Variants in PIAS1 observed in about 807,000 individuals in gnomAD.
The protein encoded by PIAS1 is E3 SUMO-protein ligase PIAS1.
Under a neutral mutation model 71.3 loss-of-function variants are expected in PIAS1, and 6 were observed. The observed-to-expected ratio is 0.08, with a 90% CI of 0.05 to 0.17. The LOEUF (loss-of-function observed/expected upper bound fraction) is 0.17. PIAS1 is among the 10% of genes least tolerant of loss of function. PIAS1 has a pLI of 1.00. For missense variants in PIAS1, 555 were observed against 793.6 expected (o/e 0.70, Z 3.61); for synonymous variants, 303 against 292.9 (o/e 1.03, Z -0.35).
rs2093107719 is a variant in PIAS1, at chr15:68,189,342, G to A, written c.*1507G>A. 1 of 152,046 alleles carries A rather than the reference G, an allele frequency of 6.6e-6. No individual in the cohort carries two copies. Among genetic ancestry groups the A allele is most frequent in the African/African-American group, 2.4e-5 (1 of 41,390 alleles). 9.4% of individuals were successfully genotyped at this position (152,046 alleles called of 1,614,324 possible). A position where few individuals can be genotyped will look rare whatever the true frequency, so the allele number is the denominator to read the frequency against. ...TGCAGGTTTAACAGAAGAGATAAGG[G>A]GCATAATGACTGCTGGTTTTCCAGA... On this transcript the variant is annotated 3_prime_UTR_variant, in exon 14 of 14. Transcript: ENST00000249636.
chr15:68,054,689 CCCCCA>C lies in PIAS1; in HGVS notation c.24+340_24+344del. On this transcript the variant is annotated intron_variant, in intron 1 of 13. Transcript: ENST00000249636. The surrounding 1 kb of genome is among the most constrained non-coding windows in gnomAD (Gnocchi z 4.6). The stretch of plus-strand genomic sequence containing the variant: ...TTCACCTTCCAGTTAGCCTCCCTGC[CCCCCA>C]TGGGGAGCTGGGGCTGGGGGCAGGG... 4.4e-6 allele frequency: 1 copy of C among 226,968 alleles called. No homozygotes were observed. 14.1% of individuals were successfully genotyped at this position (226,968 alleles called of 1,614,324 possible).
At chr15:68,087,944 T>C (rs1051522182) in intron 2 of PIAS1, 3 of 292,160 alleles carry the variant, frequency 1.0e-5, no homozygotes, top group African/African-American at 2.2e-5. Context: ...TAAGAAAACA[T>C]TTTTTGAGAA....
At chr15:68,101,782 T>C (rs1008319432) in intron 2 of PIAS1, among the ~76,000 whole-genome samples, 2 of 152,176 alleles carry the variant, frequency 1.3e-5, no homozygotes, top group African/African-American at 2.4e-5. Context: ...TTTGACTTGC[T>C]CTGTCACCCA....
chr15:68,159,338 C>G (rs2092910354), intron 7 of PIAS1, among the ~76,000 whole-genome samples: 1 of 152,004 alleles, frequency 6.6e-6, no homozygotes, highest in Non-Finnish European at 1.5e-5. Flanking sequence ...CCTCCGTTTT[C>G]TCTCTTTCTT....
intron 2 of PIAS1, among the ~76,000 whole-genome samples, chr15:68,123,841 C>T (rs2092630165): frequency 1.3e-5 from 2 of 152,286 alleles, no homozygotes; most frequent in South Asian, 2.1e-4. Flanking sequence ...ACCTTCACTA[C>T]TGCTATGCTT....
chr15:68,120,585 C>G (rs1185364526), intron 2 of PIAS1, among the ~76,000 whole-genome samples: 1 of 152,130 alleles, frequency 6.6e-6, no homozygotes, highest in African/African-American at 2.4e-5. Context: ...CACTTTACAA[C>G]AGTTCATTTT....
At chr15:68,156,858 C>T (rs1018143658) in intron 7 of PIAS1, among the ~76,000 whole-genome samples, 1 of 151,974 alleles carries the variant, frequency 6.6e-6, no homozygotes, top group African/African-American at 2.4e-5. Flanking sequence ...GTAAATGACA[C>T]GATTACATTT....
chr15:68,172,216 A>C (rs1274584654), intron 8 of PIAS1, among the ~76,000 whole-genome samples: 1 of 152,188 alleles, frequency 6.6e-6, no homozygotes, highest in Non-Finnish European at 1.5e-5. Context: ...TTCCAGCTTC[A>C]TCCATGTCCC....
Position 68,187,734 on chromosome 15 carries a change from A to T in PIAS1, c.1855A>T (p.Asn619Tyr), listed in dbSNP as rs1443474714. 1 of 1,614,034 alleles carries T rather than the reference A, an allele frequency of 6.2e-7. No homozygotes were observed. Among genetic ancestry groups the T allele is most frequent in the East Asian group, 2.2e-5 (1 of 44,880 alleles). ...CAGTAACAGCAGCCTGGTTTCTTCC[A>T]ACAGCCTAAGGGAAAGCCATAGCCA... ...SGSNSSLVSS[N>Y]SLRESHSHTV... Residue 619 changes from asparagine to tyrosine, a missense_variant, in exon 14 of 14, where the codon AAC becomes TAC. Asn to Tyr is a moderately radical substitution (Grantham distance 143). Around this residue, in one of 5 missense-constraint regions of PIAS1, gnomAD observed 244 missense variants for 307.5 expected, o/e 0.79. Coordinates refer to ENST00000249636, the MANE Select transcript of PIAS1 (RefSeq NM_016166.3). The surrounding 1 kb of genome is among the most constrained non-coding windows in gnomAD (Gnocchi z 5.3).
At chr15:68,056,780 T>C (rs956740640) in intron 1 of PIAS1, among the ~76,000 whole-genome samples, 2 of 152,134 alleles carry the variant, frequency 1.3e-5, no homozygotes, top group African/African-American at 4.8e-5. Context: ...AAAGAGAATG[T>C]GTATATATAA....
Position 68,187,983 on chromosome 15 carries a change from A to G in PIAS1, c.*148A>G. 2 of 655,628 alleles carry G rather than the reference A, an allele frequency of 3.1e-6. No homozygotes were observed. The highest frequency in any genetic ancestry group is 5.1e-6 in the Non-Finnish European group (2 of 389,768). 40.6% of individuals were successfully genotyped at this position (655,628 alleles called of 1,614,324 possible). ...TTTTTTTAGGGAAAAAATTAAAAGA[A>G]ATGTACAGAGAACAAAACTATATTT... On this transcript the variant is annotated 3_prime_UTR_variant, in exon 14 of 14. Transcript: ENST00000249636. The surrounding 1 kb of genome is among the most constrained non-coding windows in gnomAD (Gnocchi z 5.3).
At chr15:68,063,035 A>T (rs1053000589) in intron 1 of PIAS1, among the ~76,000 whole-genome samples, 34 of 47,272 alleles carry the variant, frequency 7.2e-4, no homozygotes, top group Non-Finnish European at 2.0e-3. Context: ...GGTTTTTTTA[A>T]AAAAATAATT....
At chr15:68,106,113 T>C (rs2092466326) in intron 2 of PIAS1, among the ~76,000 whole-genome samples, 1 of 152,124 alleles carries the variant, frequency 6.6e-6, no homozygotes, top group East Asian at 1.9e-4. Flanking sequence ...AAGGTGATAC[T>C]TCCTCTTCCA....
At chr15:68,134,577 C>G (rs1319709256) in intron 2 of PIAS1, among the ~76,000 whole-genome samples, 1 of 42,712 alleles carries the variant, frequency 2.3e-5, no homozygotes, top group Non-Finnish European at 9.8e-5. Flanking sequence ...CGGGCAGAGG[C>G]GCCCCCCACC....
intron 2 of PIAS1, among the ~76,000 whole-genome samples, chr15:68,099,628 A>C (rs548505923): frequency 6.6e-6 from 1 of 151,832 alleles, no homozygotes; most frequent in South Asian, 2.1e-4. Context: ...ATACATGCCC[A>C]GGAATGGAAT....
At chr15:68,118,448 T>C (rs1212002347) in intron 2 of PIAS1, among the ~76,000 whole-genome samples, 2 of 152,214 alleles carry the variant, frequency 1.3e-5, no homozygotes, top group Non-Finnish European at 2.9e-5. Flanking sequence ...GTGATCCTCC[T>C]GCCTTAGCCT....
At chr15:68,059,625 C>T (rs889072428) in intron 1 of PIAS1, among the ~76,000 whole-genome samples, 1 of 149,234 alleles carries the variant, frequency 6.7e-6, no homozygotes, top group Non-Finnish European at 1.5e-5. Context: ...GCAGGAGAAT[C>T]GCTTGAACCT....
intron 4 of PIAS1, among the ~76,000 whole-genome samples, chr15:68,145,128 T>G (rs550162673): frequency 6.6e-6 from 1 of 152,194 alleles, no homozygotes; most frequent in Non-Finnish European, 1.5e-5. Flanking sequence ...ATGAATTATG[T>G]ATCTTTCCTT....
At chr15:68,115,355 T>A (rs1004140951) in intron 2 of PIAS1, among the ~76,000 whole-genome samples, 3 of 152,168 alleles carry the variant, frequency 2.0e-5, no homozygotes, top group Non-Finnish European at 2.9e-5. Context: ...GTATTTTTTT[T>A]ATTTCAGTTT....
Sources: gnomAD v4.1 joint callset for allele counts (sites outside exome capture counted in the v4.1 genomes callset) on GRCh38, gnomAD v4.1.1 for gene constraint, gnomAD v4.1.1 regional missense constraint, Gnocchi (gnomAD v3.1) non-coding constraint, MANE v1.5 for transcripts, NCBI Gene and HGNC (gene_info 2026-07-23, HGNC 2026-07-21) for gene names.